Variants in SLCO1A2 observed in about 807,000 individuals in gnomAD.
SLCO1A2 encodes solute carrier organic anion transporter family member 1A2, also known as OATP-1.
SLCO1A2 carries 67 observed loss-of-function variants against 69.0 expected under a neutral mutation model. The observed-to-expected ratio is 0.97, with a 90% confidence interval of 0.80 to 1.19. SLCO1A2 has a LOEUF of 1.19. Among genes scored for constraint, SLCO1A2 ranks in the 50% most tolerant of loss-of-function variants. SLCO1A2 has a pLI of 0.00. For missense variants in SLCO1A2, 787 were observed against 793.7 expected (o/e 0.99, Z 0.10); for synonymous variants, 260 against 265.9 (o/e 0.98, Z 0.22).
At chr12:21,391,702 C>A (rs923901275) in intron 1 of SLCO1A2, among the ~76,000 whole-genome samples, 3 of 151,360 alleles carry the variant, frequency 2.0e-5, no homozygotes, top group African/African-American at 7.3e-5. Flanking sequence ...ACACTGTAAT[C>A]TCAAACAGGC....
In SLCO1A2 at chr12:21,344,783, T is replaced by TA. The variant is rs575423488; in HGVS notation, c.-62-10075dup. Among the ~76,000 whole-genome samples the TA allele has an allele frequency of 1.0e-3, 158 of 152,170 alleles. 1 individual carries two copies. The highest frequency in any genetic ancestry group is 1.5e-3 in the Non-Finnish European group (103 of 67,944). On this transcript the variant is annotated intron_variant, in intron 2 of 15. Transcript: ENST00000307378. ...ATCAAGTTACAGACAAATGAGATTT[T>TA]AAAAAAAGAAAAGGTAACAGTTTGG...
chr12:21,351,010 A>G (rs893373641), intron 2 of SLCO1A2, among the ~76,000 whole-genome samples: 1 of 152,114 alleles, frequency 6.6e-6, no homozygotes, highest in Non-Finnish European at 1.5e-5. Flanking sequence ...CTAGAGATTC[A>G]GATATATTAA....
chr12:21,348,232 T>C (rs1442884152), intron 2 of SLCO1A2, among the ~76,000 whole-genome samples: 1 of 152,216 alleles, frequency 6.6e-6, no homozygotes, highest in Non-Finnish European at 1.5e-5. Context: ...CATTTAACCA[T>C]TGAGTTGCAA....
At chr12:21,382,944 A>G (rs919920967) in intron 1 of SLCO1A2, among the ~76,000 whole-genome samples, 2 of 152,138 alleles carry the variant, frequency 1.3e-5, no homozygotes, top group African/African-American at 4.8e-5. Flanking sequence ...ATCATGTCCA[A>G]ATAAAAATAT....
At chr12:21,330,494 G>A (rs1952546272) in intron 2 of SLCO1A2, among the ~76,000 whole-genome samples, 1 of 152,108 alleles carries the variant, frequency 6.6e-6, no homozygotes, top group South Asian at 2.1e-4. Flanking sequence ...GGGTGACAGA[G>A]TGAGGCCCTG....
At position 21,274,614 on chromosome 12, in the gene SLCO1A2, A is replaced by G. The variant is rs894898996; in HGVS notation, c.1676-28T>C. The G allele has an allele frequency of 8.2e-6, 11 of 1,342,970 alleles. No individual in the cohort carries two copies. In the African/African-American group the frequency reaches 1.2e-4, roughly 14 times the overall value. The allele number at this position is 1,342,970 out of a possible 1,614,324, so 83.2% of individuals were successfully genotyped here. A position where few individuals can be genotyped will look rare whatever the true frequency, so the allele number is the denominator to read the frequency against. Reference sequence around the variant, plus strand: ...ACAATTGACAGGGAAAGAAAAATCTATCAACAAGAATTAAGATACTTGATT... The same window carrying G: ...ACAATTGACAGGGAAAGAAAAATCTGTCAACAAGAATTAAGATACTTGATT... On this transcript the variant is annotated intron_variant, in intron 13 of 14. Coordinates refer to ENST00000683939, the MANE Select transcript of SLCO1A2 (RefSeq NM_001386879.1).
intron 2 of SLCO1A2, among the ~76,000 whole-genome samples, chr12:21,341,983 C>T (rs1204294697): frequency 6.6e-6 from 1 of 151,956 alleles, no homozygotes; most frequent in Non-Finnish European, 1.5e-5. Context: ...GTGCATATGA[C>T]TCACCTATCC....
At chr12:21,352,130 C>T (rs2137015479) in intron 2 of SLCO1A2, among the ~76,000 whole-genome samples, 1 of 152,282 alleles carries the variant, frequency 6.6e-6, no homozygotes, top group Admixed American at 6.5e-5. Context: ...CCCCCATACT[C>T]ACTCAAAAGG....
intron 14 of SLCO1A2, 57 bp downstream of exon 14, chr12:21,274,412 C>A (rs1943421498): frequency 2.7e-6 from 3 of 1,128,200 alleles, no homozygotes; most frequent in East Asian, 4.7e-5. Context: ...GTGAATGGTG[C>A]TGCGTTATGC....
intron 14 of SLCO1A2, among the ~76,000 whole-genome samples, chr12:21,272,781 A>AACTT (rs1943111768): frequency 6.6e-6 from 1 of 152,126 alleles, no homozygotes; most frequent in African/African-American, 2.4e-5. Context: ...CTTATTTTTT[A>AACTT]ACTTATTTGT....
chr12:21,371,188 T>A (rs1043194403), intron 2 of SLCO1A2, among the ~76,000 whole-genome samples: 1 of 152,166 alleles, frequency 6.6e-6, no homozygotes, highest in Non-Finnish European at 1.5e-5. Context: ...CAGTAACTCC[T>A]GGGTGTTGTT....
intron 7 of SLCO1A2, 41 bp downstream of exon 7, chr12:21,301,130 G>C (rs1443525732): frequency 1.5e-6 from 2 of 1,293,240 alleles, no homozygotes; most frequent in Non-Finnish European, 2.2e-6. Context: ...GAGATGCTTT[G>C]TATAGTCTAG....
chr12:21,310,348 A>G (rs1333688916), intron 4 of SLCO1A2, among the ~76,000 whole-genome samples: 3 of 152,118 alleles, frequency 2.0e-5, no homozygotes, highest in African/African-American at 4.8e-5. Flanking sequence ...CTGAAACACA[A>G]TGTACACACA....
At chr12:21,407,012 C>A (rs1265964861) in intron 1 of SLCO1A2, among the ~76,000 whole-genome samples, 4 of 152,102 alleles carry the variant, frequency 2.6e-5, no homozygotes, top group Non-Finnish European at 4.4e-5. Flanking sequence ...TGGCTCCCAC[C>A]CATACCTACC....
chr12:21,325,908 C>T (rs1277417359), intron 2 of SLCO1A2, among the ~76,000 whole-genome samples: 1 of 152,138 alleles, frequency 6.6e-6, no homozygotes, highest in Non-Finnish European at 1.5e-5. Context: ...GTAGTAATGT[C>T]ACCTGGAGTG....
chr12:21,336,967 G>C (rs1952911898), upstream of SLCO1A2, among the ~76,000 whole-genome samples: 1 of 151,972 alleles, frequency 6.6e-6, no homozygotes, highest in East Asian at 1.9e-4. Flanking sequence ...CATTCAAATG[G>C]GAACAGGTAA....
chr12:21,285,751 C>A (rs1945657594), intron 12 of SLCO1A2, among the ~76,000 whole-genome samples: 1 of 150,622 alleles, frequency 6.6e-6, no homozygotes, highest in South Asian at 2.1e-4. Flanking sequence ...GAGCCAAAGA[C>A]AAAAACCACA....
chr12:21,309,678 A>G (rs1448718462), intron 4 of SLCO1A2, among the ~76,000 whole-genome samples: 5 of 152,206 alleles, frequency 3.3e-5, no homozygotes, highest in Admixed American at 2.0e-4. Context: ...TTGGAAAGCT[A>G]CTAGATTATT....
upstream of SLCO1A2, among the ~76,000 whole-genome samples, chr12:21,396,805 T>C (rs548463462): frequency 2.3e-4 from 35 of 152,184 alleles, no homozygotes; most frequent in African/African-American, 6.5e-4. Flanking sequence ...TAAAATACTT[T>C]ACAGACAAAC....
Sources: gnomAD v4.1 joint callset for allele counts (sites outside exome capture counted in the v4.1 genomes callset) on GRCh38, gnomAD v4.1.1 for gene constraint, MANE v1.5 for transcripts, NCBI Gene and HGNC (gene_info 2026-07-23, HGNC 2026-07-21) for gene names.